The following SETD5 variants were observed in gnomAD, a reference collection of about 807,000 sequenced individuals.
SETD5 encodes SET domain containing 5.
SETD5 carries 44 observed loss-of-function variants against 153.3 expected under a neutral mutation model. That is an observed-to-expected ratio of 0.29 (90% CI 0.23 to 0.37). The LOEUF (loss-of-function observed/expected upper bound fraction) is 0.37, where lower values mean the gene tolerates loss of function less well. Ranked by LOEUF, SETD5 falls within the 10% of genes least tolerant of loss-of-function variation. The pLI is 1.00. For synonymous variants in SETD5, 716 were observed against 645.2 expected, an observed-to-expected ratio of 1.11 and a Z score of -1.66; for missense variants, 1,544 against 1,768.0, an observed-to-expected ratio of 0.87 and a Z score of 2.27.
intron 20 of SETD5, 25 bp from the exon 21 acceptor site, chr3:9,474,424 A>AACTTGC (rs747696974): frequency 1.2e-6 from 2 of 1,611,470 alleles, no homozygotes; most frequent in Non-Finnish European, 1.7e-6. Flanking sequence ...CTGTGGCTTG[A>AACTTGC]ACTTGCACCC....
chr3:9,408,561 T>C (rs2036080346), intron 1 of SETD5, among the ~76,000 whole-genome samples: 1 of 152,206 alleles, frequency 6.6e-6, no homozygotes, highest in South Asian at 2.1e-4. Flanking sequence ...GTGGAGTTCG[T>C]ACTCTGGATT....
rs546080527 is a variant in SETD5 at position 9,434,601 on chromosome 3, G to T, written c.329+116G>T. Reference sequence around the variant, plus strand: ...GTTTGTTAATGTAGATGATTCCTTAGTGCTCCTTGGCTCGAATTCTCTGCA... The same window carrying T: ...GTTTGTTAATGTAGATGATTCCTTATTGCTCCTTGGCTCGAATTCTCTGCA... On this transcript the variant is annotated intron_variant, in intron 5 of 22. Coordinates refer to ENST00000402198, the MANE Select transcript of SETD5 (RefSeq NM_001080517.3). This position sits in a 1 kb window ranked among gnomAD's most constrained non-coding sequence, Gnocchi z 5.6. The T allele has an allele frequency of 6.0e-6, 9 of 1,512,072 alleles. No individual in the cohort carries two copies. The African/African-American group carries it at 1.2e-4, about 21-fold the overall frequency. 93.7% of individuals were successfully genotyped at this position (1,512,072 alleles called of 1,614,324 possible).
chr3:9,401,958 C>G (rs1380265683), intron 1 of SETD5, among the ~76,000 whole-genome samples: 1 of 152,164 alleles, frequency 6.6e-6, no homozygotes, highest in Non-Finnish European at 1.5e-5. Flanking sequence ...TTCAAAGGCA[C>G]TCTTTAGAAA....
chr3:9,438,892 T>C (rs1309763459), intron 7 of SETD5, among the ~76,000 whole-genome samples: 1 of 152,204 alleles, frequency 6.6e-6, no homozygotes, highest in African/African-American at 2.4e-5. Flanking sequence ...TATTACCAAA[T>C]GTCACCTGGG....
At chr3:9,459,584 C>A (rs1362365050) in intron 17 of SETD5, among the ~76,000 whole-genome samples, 2 of 151,260 alleles carry the variant, frequency 1.3e-5, no homozygotes. Flanking sequence ...TCCTGGCTAA[C>A]ACGGCGAAAC....
chr3:9,434,368 C>A lies in SETD5; in HGVS notation c.212C>A (p.Pro71Gln). ...IIPRSDLNGL[P>Q]SPVEERCGDS... ...CCTCGTTCTGACCTGAATGGCCTGCCGTCGCCTGTAGAGGAACGCTGTGGA... is the reference window on the plus strand; with the variant it reads ...CCTCGTTCTGACCTGAATGGCCTGCAGTCGCCTGTAGAGGAACGCTGTGGA... The change falls in exon 5 of 23, where the codon CCG becomes CAG. Residue 71 changes from proline to glutamine, a missense_variant. Transcript: ENST00000402198. This position sits in a 1 kb window ranked among gnomAD's most constrained non-coding sequence, Gnocchi z 5.6. 6.2e-7 allele frequency: 1 copy of A among 1,613,844 alleles called. No individual in the cohort carries two copies. Among genetic ancestry groups the A allele is most frequent in the Non-Finnish European group, 8.5e-7 (1 of 1,179,792 alleles).
chr3:9,456,405 G>A (rs2043245075), intron 17 of SETD5, among the ~76,000 whole-genome samples: 1 of 151,352 alleles, frequency 6.6e-6, no homozygotes, highest in Non-Finnish European at 1.5e-5. Flanking sequence ...ACCTGGAGGT[G>A]GAGGTTGCAG....
intron 18 of SETD5, among the ~76,000 whole-genome samples, chr3:9,466,309 A>T (rs78310201): frequency 2.1e-5 from 3 of 144,876 alleles, no homozygotes; most frequent in Admixed American, 6.9e-5. Flanking sequence ...AAAAAAAAAA[A>T]GAAAATCAGA....
intron 1 of SETD5, among the ~76,000 whole-genome samples, chr3:9,418,733 G>T (rs1367772098): frequency 4.0e-5 from 6 of 151,704 alleles, no homozygotes; most frequent in African/African-American, 1.5e-4. Flanking sequence ...AACCCGGGAG[G>T]TGGAGGTTGC....
chr3:9,406,089 G>A (rs751149086), intron 1 of SETD5, among the ~76,000 whole-genome samples: 16 of 152,102 alleles, frequency 1.1e-4, no homozygotes, highest in Non-Finnish European at 1.2e-4. Context: ...CCTTATTAAC[G>A]TAGGCTGTTG....
chr3:9,421,295 T>C (rs949071380), intron 1 of SETD5, among the ~76,000 whole-genome samples: 9 of 152,164 alleles, frequency 5.9e-5, no homozygotes, highest in East Asian at 1.9e-4. Context: ...TAGTGCCTTT[T>C]TTTTCTTTTC....
chr3:9,471,017 C>T (rs1036731656), intron 19 of SETD5, 88 bp downstream of exon 19: 19 of 686,308 alleles, frequency 2.8e-5, no homozygotes, highest in Non-Finnish European at 4.1e-5. Context: ...CTATGTGTTC[C>T]GCACTACTCT....
In SETD5 at chr3:9,474,527, C is replaced by A; in HGVS notation, c.3576C>A (p.Ala1192=). 6.2e-7 allele frequency: 1 copy of A among 1,613,734 alleles called. No homozygotes were observed. ...TCCTCCGAAGCAGCGTGAGGGTGGC[C>A]CAAAAGGGAGAGCCCTCTCCCACAT... ...PKVLRSSVRV[A]QKGEPSPTWE... is the part of the protein sequence containing the mutation. The change falls in exon 21 of 23, where the codon GCC becomes GCA. Residue 1192 remains alanine, a synonymous_variant. Coordinates refer to ENST00000402198, the MANE Select transcript of SETD5 (RefSeq NM_001080517.3).
chr3:9,434,432 G>A lies in SETD5; in HGVS notation c.276G>A (p.Trp92Ter). 1 of 1,613,948 alleles carries A rather than the reference G, an allele frequency of 6.2e-7. No individual in the cohort carries two copies. The change falls in exon 5 of 23, where the codon TGG becomes TGA. Residue 92 changes from tryptophan (W) to a stop codon, truncating the protein, a stop_gained. Coordinates refer to ENST00000402198, the MANE Select transcript of SETD5 (RefSeq NM_001080517.3). LOFTEE classifies it high-confidence loss of function. The surrounding 1 kb of genome is among the most constrained non-coding windows in gnomAD (Gnocchi z 5.6). ...CTGAAGGAGAAACTGTACCTACCTG[G>A]TGTCCTTGTGGTCTTTCTCAGGATG... The part of the protein sequence containing the change: ...PNSEGETVPT[W>*]CPCGLSQDGF...
intron 17 of SETD5, among the ~76,000 whole-genome samples, chr3:9,459,444 G>T (rs2043659991): frequency 6.6e-6 from 1 of 152,000 alleles, no homozygotes; most frequent in African/African-American, 2.4e-5. Flanking sequence ...AATTAGATTT[G>T]TGATCTTACC....
rs2041537672 is a variant in SETD5 at position 9,443,317 on chromosome 3, A to G, written c.1087A>G (p.Met363Val). The change falls in exon 11 of 23, where the codon ATG becomes GTG. Residue 363 changes from methionine to valine, a missense_variant. Transcript: ENST00000402198. ...AAGCCTTTTCACACAGGTGCGACAC[A>G]TGATTGCAGATGGGATGATTCACCT... ...SCTPNAEVRH[M>V]IADGMIHLCI... The G allele has an allele frequency of 6.5e-7, 1 of 1,549,326 alleles. No homozygotes were observed. The highest frequency in any genetic ancestry group is 8.7e-7 in the Non-Finnish European group (1 of 1,147,558).
Position 9,475,177 on chromosome 3 carries a change from T to C in SETD5, c.3720+21T>C. On this transcript the variant is annotated intron_variant, in intron 22 of 22. Transcript: ENST00000402198. ...ACCAGGTGAGATGAGAAATTGCTGGTCTCTAGCCATAGGAGTGTGTTCTGG... is the reference window on the plus strand; with the variant it reads ...ACCAGGTGAGATGAGAAATTGCTGGCCTCTAGCCATAGGAGTGTGTTCTGG... The C allele has an allele frequency of 1.3e-6, 2 of 1,561,252 alleles. 1 individual carries two copies. Among genetic ancestry groups the C allele is most frequent in the South Asian group, 2.4e-5 (2 of 84,586 alleles).
chr3:9,409,269 TA>T (rs886182392), intron 1 of SETD5, among the ~76,000 whole-genome samples: 3 of 152,222 alleles, frequency 2.0e-5, no homozygotes, highest in African/African-American at 7.2e-5. Flanking sequence ...CCCTTATTTT[TA>T]TTTGGCTATA....
Position 9,464,520 on chromosome 3 carries a change from C to T in SETD5, c.2572C>T (p.Pro858Ser), listed in dbSNP as rs749196583. The T allele has an allele frequency of 4.3e-6, 7 of 1,614,020 alleles. No individual in the cohort carries two copies. The highest frequency in any genetic ancestry group is 2.2e-5 in the East Asian group (1 of 44,880). Residue 858 changes from proline (P) to serine (S), a missense_variant, in exon 18 of 23, where the codon CCT becomes TCT. Physicochemically the swap from Pro to Ser is moderately conservative, Grantham distance 74. Around this residue, in one of 9 missense-constraint regions of SETD5, gnomAD observed 782 missense variants for 787.2 expected, o/e 0.99. Coordinates refer to ENST00000402198, the MANE Select transcript of SETD5 (RefSeq NM_001080517.3). ...GCCTCTGTCTCCAGTCACACCACCC[C>T]CTCCCAATTCAGGCTCAAAGAGTCC... ...LRPLSPVTPP[P>S]PNSGSKSPQL...
Sources: allele counts gnomAD v4.1 joint callset (sites outside exome capture counted in the v4.1 genomes callset), GRCh38; gene constraint gnomAD v4.1.1; regional missense constraint gnomAD v4.1.1; non-coding constraint Gnocchi (gnomAD v3.1); transcripts MANE v1.5; gene names NCBI Gene and HGNC (gene_info 2026-07-23, HGNC 2026-07-21).